The following AP3S1 variants were observed in gnomAD, a reference collection of about 807,000 sequenced individuals.
AP3S1 encodes the protein AP-3 complex subunit sigma-1.
AP3S1 carries 12 observed loss-of-function variants against 21.3 expected under a neutral mutation model. The observed-to-expected ratio is 0.56, with a 90% CI of 0.36 to 0.91. The LOEUF is 0.91. Ranked by LOEUF, AP3S1 falls within the 40% of genes least tolerant of loss-of-function variation. The pLI, the probability that AP3S1 is intolerant of heterozygous loss-of-function variation, is 0.01. For missense variants in AP3S1, 116 were observed against 225.0 expected (o/e 0.52, Z 3.10); for synonymous variants, 48 against 78.4 (o/e 0.61, Z 2.05).
At chr5:115,878,003 G>A (rs894016287) in intron 3 of AP3S1, among the ~76,000 whole-genome samples, 1 of 152,162 alleles carries the variant, frequency 6.6e-6, no homozygotes, top group African/African-American at 2.4e-5. Flanking sequence ...GTCTTCTTTT[G>A]AGAAGTTTCT....
At chr5:115,862,626 A>G (rs1763285779) in intron 1 of AP3S1, among the ~76,000 whole-genome samples, 2 of 152,212 alleles carry the variant, frequency 1.3e-5, no homozygotes, top group African/African-American at 2.4e-5. Context: ...CTATTGTGGT[A>G]AATTCAGGTG....
chr5:115,888,577 CAT>C (rs915306189), intron 3 of AP3S1, among the ~76,000 whole-genome samples: 2 of 152,032 alleles, frequency 1.3e-5, no homozygotes, highest in African/African-American at 4.8e-5. Context: ...AAATTAATAA[CAT>C]GCAGTTATAA....
At chr5:115,866,999 A>G (rs568611394) in intron 2 of AP3S1, among the ~76,000 whole-genome samples, 33 of 152,264 alleles carry the variant, frequency 2.2e-4, no homozygotes, top group African/African-American at 6.0e-4. Flanking sequence ...ATTAAATCGT[A>G]AAAATTCCAA....
At chr5:115,850,327 T>A (rs1379713329) in intron 1 of AP3S1, among the ~76,000 whole-genome samples, 1 of 152,212 alleles carries the variant, frequency 6.6e-6, no homozygotes, top group East Asian at 1.9e-4. Flanking sequence ...TAGTGTGACA[T>A]GAAAGGGTTA....
At chr5:115,898,220 T>G (rs1378300561) in intron 4 of AP3S1, among the ~76,000 whole-genome samples, 3 of 152,218 alleles carry the variant, frequency 2.0e-5, no homozygotes, top group Non-Finnish European at 4.4e-5. Context: ...AGATGATAAT[T>G]GTACCAAGTA....
At chr5:115,857,791 A>G (rs1022390146) in intron 1 of AP3S1, among the ~76,000 whole-genome samples, 1 of 152,152 alleles carries the variant, frequency 6.6e-6, no homozygotes, top group Non-Finnish European at 1.5e-5. Flanking sequence ...GTCCCCTCAT[A>G]GTTATTTCAT....
At chr5:115,848,342 T>G (rs960975043) in intron 1 of AP3S1, among the ~76,000 whole-genome samples, 2 of 152,140 alleles carry the variant, frequency 1.3e-5, no homozygotes, top group Non-Finnish European at 2.9e-5. Context: ...CTTTTAGACA[T>G]TAATAACACA....
At chr5:115,906,881 A>G in intron 5 of AP3S1, 7 of 1,500,444 alleles carry the variant, frequency 4.7e-6, no homozygotes, top group Non-Finnish European at 6.2e-6. Context: ...ACTTTGAGAA[A>G]TATGTACTAT....
intron 3 of AP3S1, among the ~76,000 whole-genome samples, chr5:115,890,950 C>G (rs978345997): frequency 6.6e-6 from 1 of 152,146 alleles, no homozygotes; most frequent in African/African-American, 2.4e-5. Context: ...TATTATTACT[C>G]TCTCCAAAAA....
intron 1 of AP3S1, among the ~76,000 whole-genome samples, chr5:115,865,381 T>C (rs1387911641): frequency 6.6e-6 from 1 of 152,178 alleles, no homozygotes; most frequent in East Asian, 1.9e-4. Flanking sequence ...TCCAAATGCA[T>C]GGGGGATCAG....
chr5:115,863,398 A>T lies in AP3S1; in HGVS notation c.70-3272A>T, dbSNP rs537157920. ...GCAACAGAGCAAAAACTATCTCGAA[A>T]AAAAATAAAAATAAAAATACAAAAA... On this transcript the variant is annotated intron_variant, in intron 1 of 5. Transcript: ENST00000316788. 8.5e-4 allele frequency among the ~76,000 whole-genome samples: 128 copies of T among 151,006 alleles called. 2 individuals carry two copies. Among genetic ancestry groups the T allele is most frequent in the African/African-American group, 3.0e-3 (123 of 41,040 alleles).
intron 4 of AP3S1, among the ~76,000 whole-genome samples, chr5:115,901,628 C>T (rs527993388): frequency 1.6e-3 from 243 of 151,222 alleles, no homozygotes; most frequent in Middle Eastern, 3.4e-3. Flanking sequence ...GATTTCAGCT[C>T]ACTGCACCCT....
At chr5:115,847,315 TA>T (rs370209255) in intron 1 of AP3S1, among the ~76,000 whole-genome samples, 213 of 152,298 alleles carry the variant, frequency 1.4e-3, no homozygotes, top group African/African-American at 4.7e-3. Context: ...TCTAAACTTT[TA>T]AAAAAATATT....
chr5:115,870,697 T>C (rs368769387), intron 3 of AP3S1, among the ~76,000 whole-genome samples: 17 of 152,314 alleles, frequency 1.1e-4, no homozygotes, highest in South Asian at 8.3e-4. Flanking sequence ...CTCCAAATTT[T>C]ATCTTATGTT....
chr5:115,899,004 T>G (rs1008399608), intron 4 of AP3S1, among the ~76,000 whole-genome samples: 1 of 152,222 alleles, frequency 6.6e-6, no homozygotes, highest in Non-Finnish European at 1.5e-5. Flanking sequence ...CTAAAGATTC[T>G]GTGCAGGGCT....
At chr5:115,894,622 C>A (rs1433355998) in intron 3 of AP3S1, among the ~76,000 whole-genome samples, 1 of 152,172 alleles carries the variant, frequency 6.6e-6, no homozygotes, top group Non-Finnish European at 1.5e-5. Flanking sequence ...AGTCTGATTC[C>A]AAAGTCTGTG....
chr5:115,886,365 C>T (rs914470510), intron 3 of AP3S1, among the ~76,000 whole-genome samples: 3 of 152,062 alleles, frequency 2.0e-5, no homozygotes, highest in Non-Finnish European at 4.4e-5. Flanking sequence ...CCACTTCTTC[C>T]ACCTCTGCCA....
At chr5:115,885,999 A>C (rs1580703541) in intron 3 of AP3S1, among the ~76,000 whole-genome samples, 1 of 152,166 alleles carries the variant, frequency 6.6e-6, no homozygotes, top group South Asian at 2.1e-4. Context: ...CTAAATGATC[A>C]CTTCTTACTA....
At chr5:115,907,964 C>G (rs192747627) in intron 5 of AP3S1, among the ~76,000 whole-genome samples, 1 of 151,914 alleles carries the variant, frequency 6.6e-6, no homozygotes, top group Non-Finnish European at 1.5e-5. Flanking sequence ...TATAAACTTA[C>G]GAAGTTAGAT....
Sources: gnomAD v4.1 joint callset for allele counts (sites outside exome capture counted in the v4.1 genomes callset) on GRCh38, gnomAD v4.1.1 for gene constraint, MANE v1.5 for transcripts, NCBI Gene and HGNC (gene_info 2026-07-23, HGNC 2026-07-21) for gene names.